Variants in B3GLCT observed in about 807,000 individuals in gnomAD.
The protein encoded by B3GLCT is beta-1,3-glucosyltransferase.
In B3GLCT, 65 loss-of-function variants were observed where a neutral mutation model predicts 63.4. That is an observed-to-expected ratio of 1.03 (90% CI 0.84 to 1.26). The LOEUF (loss-of-function observed/expected upper bound fraction) is 1.26, where lower values mean the gene tolerates loss of function less well. Among genes scored for constraint, B3GLCT ranks in the 50% most tolerant of loss-of-function variants. B3GLCT has a pLI of 0.00. For synonymous variants in B3GLCT, 233 were observed against 219.2 expected (o/e 1.06, Z -0.55); for missense variants, 577 against 604.8 (o/e 0.95, Z 0.48).
chr13:31,222,842 T>C, intron 2 of B3GLCT, 110 bp from the exon 3 acceptor site: 1 of 775,272 alleles, frequency 1.3e-6, no homozygotes, highest in South Asian at 1.5e-5. Context: ...GTTTTTCAAA[T>C]CTTCCTCCCA....
At chr13:31,212,314 G>A (rs1228469312) in intron 1 of B3GLCT, among the ~76,000 whole-genome samples, 5 of 131,798 alleles carry the variant, frequency 3.8e-5, no homozygotes, top group South Asian at 2.5e-4. Context: ...TTGCTCTGTC[G>A]CCCAGGCTGG....
intron 3 of B3GLCT, among the ~76,000 whole-genome samples, chr13:31,225,093 T>C (rs1317648024): frequency 2.0e-5 from 3 of 152,226 alleles, no homozygotes; most frequent in Admixed American, 2.0e-4. Context: ...TAGGTATCCT[T>C]TGCTAATTTC....
chr13:31,296,729 A>G (rs1873961414), intron 12 of B3GLCT, among the ~76,000 whole-genome samples: 1 of 151,928 alleles, frequency 6.6e-6, no homozygotes, highest in African/African-American at 2.4e-5. Context: ...CATCTGGTTC[A>G]TCCACCATAT....
At chr13:31,286,959 A>T in intron 12 of B3GLCT, 140 bp downstream of exon 12, 1 of 581,932 alleles carries the variant, frequency 1.7e-6, no homozygotes, top group Admixed American at 3.2e-5. Context: ...CCTCTTAAGG[A>T]ACAAAATATA....
At chr13:31,327,902 A>G (rs1875714641) in intron 14 of B3GLCT, among the ~76,000 whole-genome samples, 1 of 152,206 alleles carries the variant, frequency 6.6e-6, no homozygotes, top group Non-Finnish European at 1.5e-5. Context: ...TTTTCTTCGC[A>G]GATATTATTG....
chr13:31,200,225 T>TCGG, intron 1 of B3GLCT, 71 bp downstream of exon 1: 3 of 1,022,122 alleles, frequency 2.9e-6, no homozygotes, highest in Non-Finnish European at 3.6e-6. Context: ...CGTGCCCCGG[T>TCGG]CGGCGCGGGG....
intron 12 of B3GLCT, among the ~76,000 whole-genome samples, chr13:31,309,938 G>T (rs1369038253): frequency 1.3e-5 from 2 of 152,144 alleles, no homozygotes; most frequent in East Asian, 1.9e-4. Context: ...AGAGTCTTTT[G>T]ACCCACAATC....
At chr13:31,231,452 A>G (rs574107035) in intron 4 of B3GLCT, among the ~76,000 whole-genome samples, 1 of 152,258 alleles carries the variant, frequency 6.6e-6, no homozygotes, top group East Asian at 1.9e-4. Context: ...TTCCCCATTT[A>G]ATCCATACCA....
chr13:31,294,646 T>A (rs1232106241), intron 12 of B3GLCT, among the ~76,000 whole-genome samples: 1 of 152,238 alleles, frequency 6.6e-6, no homozygotes, highest in Non-Finnish European at 1.5e-5. Context: ...ATGCTGTGTT[T>A]TTCAGCTCCA....
chr13:31,317,079 C>T (rs1411193477), intron 12 of B3GLCT, among the ~76,000 whole-genome samples: 1 of 152,232 alleles, frequency 6.6e-6, no homozygotes, highest in Admixed American at 6.5e-5. Flanking sequence ...TTCTCTTCCC[C>T]ACCTGCCAGC....
rs375363987 is a variant in B3GLCT at position 31,248,409 on chromosome 13, G to T, written c.459+443G>T. On this transcript the variant is annotated intron_variant, in intron 6 of 14. Coordinates refer to ENST00000343307, the MANE Select transcript of B3GLCT (RefSeq NM_194318.4). ...ACAGACAGCGATTCTGAACATGTGG[G>T]TGGCACAGAATAGCAGGGAGAACAG... 4.1e-4 allele frequency among the ~76,000 whole-genome samples: 63 copies of T among 152,338 alleles called. 1 individual carries two copies. The highest frequency in any genetic ancestry group is 1.5e-3 in the African/African-American group (62 of 41,580).
intron 1 of B3GLCT, among the ~76,000 whole-genome samples, chr13:31,209,547 G>A (rs750184117): frequency 1.1e-4 from 16 of 152,232 alleles, no homozygotes; most frequent in Middle Eastern, 3.4e-3. Context: ...TGGAAGGAGC[G>A]CCTGAGCCAT....
At position 31,255,037 on chromosome 13, in the gene B3GLCT, CAA is replaced by C. The variant is rs59957215; in HGVS notation, c.460-5893_460-5892del. On this transcript the variant is annotated intron_variant, in intron 6 of 14. Coordinates refer to ENST00000343307, the MANE Select transcript of B3GLCT (RefSeq NM_194318.4). ...AGGTGACAGTGCAAAGACGCTGTCT[CAA>C]AAAAAAAAAAAAAAAGAAAACCCCA... 3.9e-3 allele frequency among the ~76,000 whole-genome samples: 507 copies of C among 130,704 alleles called. 3 individuals are homozygous for C. Among genetic ancestry groups the C allele is most frequent in the East Asian group, 0.012 (55 of 4,574 alleles). The allele number at this position is 130,704 out of a possible 152,430, so 85.7% of individuals were successfully genotyped here. A position where few individuals can be genotyped will look rare whatever the true frequency, so the allele number is the denominator to read the frequency against.
In B3GLCT at chr13:31,329,891, C is replaced by T. The variant is rs1361122390; in HGVS notation, c.*223C>T. ...AAAAATCACTTGCTTTTGACTTATGCAGTTGTTTTAACACTTAGTGATGAC... is the reference window on the plus strand; with the variant it reads ...AAAAATCACTTGCTTTTGACTTATGTAGTTGTTTTAACACTTAGTGATGAC... On this transcript the variant is annotated 3_prime_UTR_variant, in exon 15 of 15. Transcript: ENST00000343307. 1.8e-6 allele frequency: 1 copy of T among 562,708 alleles called. No homozygotes were observed. The allele number at this position is 562,708 out of a possible 1,614,324, so 34.9% of individuals were successfully genotyped here.
At chr13:31,312,226 A>G (rs932669945) in intron 12 of B3GLCT, 3 of 152,204 alleles carry the variant, frequency 2.0e-5, no homozygotes, top group Non-Finnish European at 4.4e-5. Flanking sequence ...TTATGTCCTC[A>G]TTTGATTGAA....
intron 12 of B3GLCT, among the ~76,000 whole-genome samples, chr13:31,316,471 C>A (rs1875038895): frequency 8.6e-6 from 1 of 116,928 alleles, no homozygotes. Flanking sequence ...TCTTGTCACC[C>A]AGGCTGGAGT....
At chr13:31,323,706 C>A (rs1316550324) in intron 13 of B3GLCT, 45 bp from the exon 14 acceptor site, 5 of 1,612,356 alleles carry the variant, frequency 3.1e-6, no homozygotes, top group Non-Finnish European at 4.2e-6. Flanking sequence ...GCAGCGGTGT[C>A]TGTGGAGCTT....
intron 12 of B3GLCT, among the ~76,000 whole-genome samples, chr13:31,313,431 G>C (rs1376081457): frequency 6.6e-6 from 1 of 152,224 alleles, no homozygotes; most frequent in Non-Finnish European, 1.5e-5. Flanking sequence ...TGAGAAACTT[G>C]TTGGGAACTG....
intron 12 of B3GLCT, chr13:31,311,512 T>C (rs1874708143): frequency 6.6e-6 from 1 of 152,252 alleles, no homozygotes; most frequent in South Asian, 2.1e-4. Flanking sequence ...ACAGTTAATT[T>C]TGATGCAACT....
Sources: allele counts gnomAD v4.1 joint callset (sites outside exome capture counted in the v4.1 genomes callset), GRCh38; gene constraint gnomAD v4.1.1; transcripts MANE v1.5; gene names NCBI Gene and HGNC (gene_info 2026-07-23, HGNC 2026-07-21).